The following HDHD5 variants were observed in gnomAD, a reference collection of about 807,000 sequenced individuals.
HDHD5 encodes the protein haloacid dehalogenase like hydrolase domain containing 5.
HDHD5 carries 34 observed loss-of-function variants against 35.5 expected under a neutral mutation model. The ratio of observed to expected loss-of-function variants is 0.96; its 90% CI spans 0.73 to 1.28. HDHD5 has a LOEUF of 1.28. HDHD5 is among the 50% of genes most tolerant of loss of function. The pLI is 0.00. For synonymous variants in HDHD5, 248 were observed against 240.6 expected (o/e 1.03, Z -0.29); for missense variants, 589 against 560.2 (o/e 1.05, Z -0.52).
chr22:17,160,024 GGT>G (rs976665535), upstream of HDHD5, among the ~76,000 whole-genome samples: 26 of 152,232 alleles, frequency 1.7e-4, no homozygotes, highest in African/African-American at 6.0e-4. Flanking sequence ...AGCTGGATCT[GGT>G]AGTCCCCCGG....
At chr22:17,160,827 G>A (rs1287728757), upstream of HDHD5, among the ~76,000 whole-genome samples, 1 of 152,106 alleles carries the variant, frequency 6.6e-6, no homozygotes, top group East Asian at 1.9e-4. Flanking sequence ...CCTGCCAGGG[G>A]ACATAGCTCT....
chr22:17,137,585 A>G lies in HDHD5; in HGVS notation c.*436T>C, dbSNP rs1007218078. ...AAAAAGCCCCACATCTCCGGGCAATAAACTACAATACAGTAAAAAGTAGCA... is the reference window on the plus strand; with the variant it reads ...AAAAAGCCCCACATCTCCGGGCAATGAACTACAATACAGTAAAAAGTAGCA... On this transcript the variant is annotated 3_prime_UTR_variant, in exon 8 of 8. Coordinates refer to ENST00000336737, the MANE Select transcript of HDHD5 (RefSeq NM_033070.3). 1 of 157,790 alleles carries G rather than the reference A, an allele frequency of 6.3e-6. No homozygotes were observed. Among genetic ancestry groups the G allele is most frequent in the Non-Finnish European group, 1.4e-5 (1 of 72,006 alleles). The allele number at this position is 157,790 out of a possible 1,614,324, so 9.8% of individuals were successfully genotyped here. A position where few individuals can be genotyped will look rare whatever the true frequency, so the allele number is the denominator to read the frequency against.
chr22:17,145,145 G>A (rs773330618), intron 3 of HDHD5, 28 bp from the exon 4 acceptor site: 5 of 1,613,424 alleles, frequency 3.1e-6, no homozygotes, highest in Non-Finnish European at 2.5e-6. Flanking sequence ...AGTAATGCTG[G>A]ACAGTTCTTG....
chr22:17,156,398 G>T (rs1291662518), intron 1 of HDHD5, among the ~76,000 whole-genome samples: 2 of 152,208 alleles, frequency 1.3e-5, no homozygotes, highest in Non-Finnish European at 2.9e-5. Flanking sequence ...GTATCATGAG[G>T]TCAGGAGTTC....
At chr22:17,146,092 G>A (rs959197344) in intron 3 of HDHD5, among the ~76,000 whole-genome samples, 28 of 152,002 alleles carry the variant, frequency 1.8e-4, no homozygotes, top group African/African-American at 6.3e-4. Flanking sequence ...CTGAGAAGTC[G>A]GTCAGACTCC....
chr22:17,164,581 G>A (rs1045625006), intron 1 of HDHD5, among the ~76,000 whole-genome samples: 1 of 152,182 alleles, frequency 6.6e-6, no homozygotes, highest in African/African-American at 2.4e-5. Flanking sequence ...TCAGGCTCCA[G>A]CCCTTATGTT....
At chr22:17,165,118 T>G (rs1278936481) in intron 1 of HDHD5, 9 of 718,558 alleles carry the variant, frequency 1.3e-5, no homozygotes, top group Non-Finnish European at 2.3e-5. Flanking sequence ...GGGATACATA[T>G]TTCCTACTAG....
At chr22:17,147,469 C>G (rs1255814363) in intron 3 of HDHD5, among the ~76,000 whole-genome samples, 1 of 133,422 alleles carries the variant, frequency 7.5e-6, no homozygotes, top group Non-Finnish European at 1.6e-5. Context: ...ACGCTCCACA[C>G]CTGTGGCACA....
chr22:17,158,281 A>G (rs2123880305), intron 1 of HDHD5, among the ~76,000 whole-genome samples: 1 of 152,272 alleles, frequency 6.6e-6, no homozygotes, highest in Non-Finnish European at 1.5e-5. Context: ...AGATTGCGCC[A>G]CTGCACTCCA....
At chr22:17,139,188 G>A (rs1039123072) in intron 6 of HDHD5, among the ~76,000 whole-genome samples, 2 of 152,218 alleles carry the variant, frequency 1.3e-5, no homozygotes, top group Admixed American at 1.3e-4. Flanking sequence ...CTACAGTCAA[G>A]GAAAGCAGAA....
chr22:17,138,055 A>G lies in HDHD5; in HGVS notation c.1238T>C (p.Leu413Pro), dbSNP rs1453905110. 10 of 1,613,396 alleles carry G rather than the reference A, an allele frequency of 6.2e-6. No individual in the cohort carries two copies. Among genetic ancestry groups the G allele is most frequent in the Non-Finnish European group, 8.5e-6 (10 of 1,179,542 alleles). The part of the protein sequence containing the change: ...VVNDVNEAVQ[L>P]VFRKEGWALE ...AGCCCAGCCCTCCTTGCGGAAGACC[A>G]GCTGCACAGCCTCATTCACGTCATT... The change falls in exon 8 of 8, where the codon CTG (leucine) becomes CCG (proline). Residue 413 changes from leucine (L) to proline (P), a missense_variant. By Grantham distance (98) the Leu-to-Pro change is moderately conservative. Coordinates refer to ENST00000336737, the MANE Select transcript of HDHD5 (RefSeq NM_033070.3).
At chr22:17,144,739 C>T (rs983535873) in intron 4 of HDHD5, among the ~76,000 whole-genome samples, 3 of 151,854 alleles carry the variant, frequency 2.0e-5, no homozygotes, top group East Asian at 1.9e-4. Flanking sequence ...TTTGTAGAGA[C>T]GGGGTCTCAC....
chr22:17,141,594 TC>T, intron 5 of HDHD5: 1 of 1,069,544 alleles, frequency 9.3e-7, no homozygotes, highest in Non-Finnish European at 1.1e-6. Flanking sequence ...GTTCCCTCAG[TC>T]GCTTCTCTCT....
intron 1 of HDHD5, chr22:17,158,585 T>C (rs958648197): frequency 1.3e-5 from 2 of 152,212 alleles, no homozygotes; most frequent in African/African-American, 4.8e-5. Flanking sequence ...GGCTCACACA[T>C]CACTACCGCG....
chr22:17,145,122 A>G lies in HDHD5; in HGVS notation c.444-5T>C, dbSNP rs375737033. 14 of 1,613,906 alleles carry G rather than the reference A, an allele frequency of 8.7e-6. No homozygotes were observed. Among genetic ancestry groups the G allele is most frequent in the African/African-American group, 5.3e-5 (4 of 74,888 alleles). On this transcript the variant is annotated splice_polypyrimidine_tract_variant and splice_region_variant and intron_variant, in intron 3 of 7. Transcript: ENST00000336737. The stretch of plus-strand genomic sequence containing the variant: ...ACGACATTTCGGAAGCCCAGTCTGG[A>G]GCAAGCTCAGGAAGTAATGCTGGAC...
At chr22:17,145,405 T>TA (rs1315949089) in intron 3 of HDHD5, among the ~76,000 whole-genome samples, 4 of 152,158 alleles carry the variant, frequency 2.6e-5, no homozygotes, top group Admixed American at 6.5e-5. Context: ...CAAAGGCACA[T>TA]AAGAATCTCT....
intron 5 of HDHD5, 47 bp from the exon 6 acceptor site, chr22:17,141,280 G>A (rs2061598926): frequency 6.5e-7 from 1 of 1,547,964 alleles, no homozygotes; most frequent in Non-Finnish European, 8.6e-7. Flanking sequence ...CAGATGGCAG[G>A]CGGCAGGCCC....
chr22:17,149,585 T>G lies in HDHD5; in HGVS notation c.287A>C (p.Gln96Pro), dbSNP rs748771648. The change falls in exon 2 of 8, where the codon CAA becomes CCA. Residue 96 changes from glutamine to proline, a missense_variant. By Grantham distance (76) the Gln-to-Pro change is moderately conservative (BLOSUM62 -1). Transcript: ENST00000336737. ...VFVTNAGNIL[Q>P]HSKAQELSAL... is the part of the protein sequence containing the mutation. ...TGACAGCTCCTGGGCTTTGCTGTGT[T>G]GTAAGATGTTCCCAGCATTTGTAAC... The G allele has an allele frequency of 1.9e-6, 3 of 1,612,750 alleles. No homozygotes were observed. The African/African-American group carries it at 4.0e-5, about 22-fold the overall frequency.
In HDHD5 at chr22:17,145,067, G is replaced by C. The variant is rs1360790280; in HGVS notation, c.494C>G (p.Pro165Arg). The C allele has an allele frequency of 2.5e-6, 4 of 1,613,996 alleles. No homozygotes were observed. The highest frequency in any genetic ancestry group is 3.4e-6 in the Non-Finnish European group (4 of 1,180,026). The change falls in exon 4 of 8, where the codon CCT becomes CGT. Residue 165 changes from proline to arginine, a missense_variant. Physicochemically the swap from Pro to Arg is moderately radical, Grantham distance 103. Coordinates refer to ENST00000336737, the MANE Select transcript of HDHD5 (RefSeq NM_033070.3). Reference sequence around the variant, plus strand: ...CTCCAGGTCCACCATGTCAAGCAGAGGAAAGGCCATCCGCAGCTCATCCAC... The same window carrying C: ...CTCCAGGTCCACCATGTCAAGCAGACGAAAGGCCATCCGCAGCTCATCCAC... ...VTVDELRMAF[P>R]LLDMVDLERR... is the part of the protein sequence containing the mutation.
Sources: allele counts gnomAD v4.1 joint callset (sites outside exome capture counted in the v4.1 genomes callset), GRCh38; gene constraint gnomAD v4.1.1; transcripts MANE v1.5; gene names NCBI Gene and HGNC (gene_info 2026-07-23, HGNC 2026-07-21).